Variants in RALGAPA2 observed in about 807,000 individuals in gnomAD.
RALGAPA2 encodes Ral GTPase activating protein catalytic subunit alpha 2.
RALGAPA2 carries 139 observed loss-of-function variants against 230.4 expected under a neutral mutation model. The observed-to-expected ratio is 0.60, with a 90% CI of 0.53 to 0.69. The LOEUF (loss-of-function observed/expected upper bound fraction) is 0.69. Among genes scored for constraint, RALGAPA2 ranks in the 30% least tolerant of loss-of-function variants. The probability of loss-of-function intolerance (pLI) is 0.00; values close to 1 mark genes in which losing one functional copy is unlikely to be tolerated. For synonymous variants in RALGAPA2, 847 were observed against 837.8 expected, an observed-to-expected ratio of 1.01 and a Z score of -0.19; for missense variants, 2,163 against 2,276.0, an observed-to-expected ratio of 0.95 and a Z score of 1.01.
At chr20:20,465,261 G>A (rs1358419609) in intron 37 of RALGAPA2, among the ~76,000 whole-genome samples, 1 of 151,140 alleles carries the variant, frequency 6.6e-6, no homozygotes, top group Non-Finnish European at 1.5e-5. Flanking sequence ...AGCCAGCACT[G>A]TGGCAAGAGT....
intron 12 of RALGAPA2, among the ~76,000 whole-genome samples, chr20:20,617,382 TTGA>T (rs35079280): frequency 0.029 from 4,442 of 152,258 alleles, 84 homozygotes; most frequent in South Asian, 0.06. Context: ...TATAATATAG[TTGA>T]TGATGATGAT....
At chr20:20,469,689 A>T (rs1447135587) in intron 37 of RALGAPA2, among the ~76,000 whole-genome samples, 3 of 152,216 alleles carry the variant, frequency 2.0e-5, no homozygotes, top group Admixed American at 6.5e-5. Context: ...AAGTTATTTG[A>T]TGAGAAGAAT....
rs778198512 is a variant in RALGAPA2 at position 20,412,024 on chromosome 20, C to A, written c.5617+3G>T. On this transcript the variant is annotated splice_donor_region_variant and intron_variant, in intron 38 of 39. Coordinates refer to ENST00000202677, the MANE Select transcript of RALGAPA2 (RefSeq NM_020343.4). ...GTGAGAGAAGAATAATGTAGACACT[C>A]ACCCGTTCCGCTGAGGGAGTAGCTG... is the stretch of plus-strand genomic sequence containing the variant. 1 of 1,613,944 alleles carries A rather than the reference C, an allele frequency of 6.2e-7. No homozygotes were observed. Among genetic ancestry groups the A allele is most frequent in the Non-Finnish European group, 8.5e-7 (1 of 1,179,836 alleles).
intron 37 of RALGAPA2, among the ~76,000 whole-genome samples, chr20:20,454,394 G>A (rs947328782): frequency 1.1e-4 from 17 of 152,316 alleles, no homozygotes; most frequent in African/African-American, 2.2e-4. Flanking sequence ...CATGACACTC[G>A]TGGCTCTATT....
chr20:20,587,491 C>T (rs1459660063), intron 18 of RALGAPA2, among the ~76,000 whole-genome samples: 62 of 152,010 alleles, frequency 4.1e-4, no homozygotes, highest in Admixed American at 4.1e-3. Flanking sequence ...AAATTGGATC[C>T]CTACCTCACT....
intron 37 of RALGAPA2, chr20:20,470,921 T>C (rs2061525981): frequency 6.6e-6 from 1 of 152,212 alleles, no homozygotes. Context: ...AAAAATTAGG[T>C]ATAACAGTTG....
chr20:20,605,910 C>A (rs922599891), intron 14 of RALGAPA2, among the ~76,000 whole-genome samples: 4 of 152,166 alleles, frequency 2.6e-5, no homozygotes, highest in African/African-American at 9.7e-5. Context: ...TCACCCAGCT[C>A]CACCTCCACC....
At chr20:20,402,935 T>C (rs2059876945) in intron 38 of RALGAPA2, among the ~76,000 whole-genome samples, 1 of 152,216 alleles carries the variant, frequency 6.6e-6, no homozygotes, top group South Asian at 2.1e-4. Context: ...CACTCAGCTC[T>C]AAGGAGGCTG....
rs1462565648 is a variant in RALGAPA2, at chr20:20,390,858, T to C, written c.*2431A>G. On this transcript the variant is annotated 3_prime_UTR_variant, in exon 40 of 40. Coordinates refer to ENST00000202677, the MANE Select transcript of RALGAPA2 (RefSeq NM_020343.4). ...GAATGGCAGGCTCAAAAAACTCTAG[T>C]CACCAAACTGCTGGCTGTCATCGGG... 1 of 152,126 alleles carries C rather than the reference T, an allele frequency of 6.6e-6. No homozygotes were observed. The highest frequency in any genetic ancestry group is 2.4e-5 in the African/African-American group (1 of 41,424). 9.4% of individuals were successfully genotyped at this position (152,126 alleles called of 1,614,324 possible).
chr20:20,512,933 C>T lies in RALGAPA2; in HGVS notation c.4436G>A (p.Gly1479Glu), dbSNP rs1345260237. The change falls in exon 32 of 40, where the codon GGA becomes GAA. Residue 1479 changes from glycine to glutamate, a missense_variant. Coordinates refer to ENST00000202677, the MANE Select transcript of RALGAPA2 (RefSeq NM_020343.4). ...KYSWDGKVLY[G>E]PLEGCLAPNG... The stretch of plus-strand genomic sequence containing the variant: ...GGGTGCTAAGCAGCCTTCCAAAGGT[C>T]CATATAAAACCTTACCATCCCAAGA... 1.2e-6 allele frequency: 2 copies of T among 1,613,660 alleles called. No homozygotes were observed. Among genetic ancestry groups the T allele is most frequent in the Non-Finnish European group, 1.7e-6 (2 of 1,179,612 alleles).
chr20:20,428,693 C>A lies in RALGAPA2; in HGVS notation c.5496-16545G>T, dbSNP rs376885985. On this transcript the variant is annotated intron_variant, in intron 37 of 39. Coordinates refer to ENST00000202677, the MANE Select transcript of RALGAPA2 (RefSeq NM_020343.4). The stretch of plus-strand genomic sequence containing the variant: ...TTCATCTTCTCTCAATCCCTCATTT[C>A]TTCCCATTATTGTGCCTGCCACCCA... Among the ~76,000 whole-genome samples the A allele has an allele frequency of 1.5e-4, 22 of 143,808 alleles. 1 individual carries two copies. Among genetic ancestry groups the A allele is most frequent in the African/African-American group, 5.5e-4 (21 of 38,244 alleles). The allele number at this position is 143,808 out of a possible 152,430, so 94.3% of individuals were successfully genotyped here. A position where few individuals can be genotyped will look rare whatever the true frequency, so the allele number is the denominator to read the frequency against.
intron 1 of RALGAPA2, among the ~76,000 whole-genome samples, chr20:20,685,812 C>T (rs1265161390): frequency 3.9e-5 from 6 of 151,996 alleles, no homozygotes; most frequent in African/African-American, 9.7e-5. Context: ...GGCAAGGCCA[C>T]GCTCCAGAGT....
intron 37 of RALGAPA2, among the ~76,000 whole-genome samples, chr20:20,457,410 A>G (rs1469735569): frequency 6.6e-6 from 1 of 152,238 alleles, no homozygotes; most frequent in Non-Finnish European, 1.5e-5. Context: ...AGATCTTATA[A>G]AAGCTGAAAT....
intron 37 of RALGAPA2, among the ~76,000 whole-genome samples, chr20:20,452,089 A>G (rs1236326349): frequency 6.6e-6 from 1 of 152,226 alleles, no homozygotes; most frequent in African/African-American, 2.4e-5. Flanking sequence ...AGCTTTTAAA[A>G]TAAATCTACC....
chr20:20,429,159 G>A (rs1218021445), intron 37 of RALGAPA2, among the ~76,000 whole-genome samples: 4 of 152,160 alleles, frequency 2.6e-5, no homozygotes, highest in Non-Finnish European at 5.9e-5. Context: ...AGCAGAGACA[G>A]GCAACAAAAG....
intron 36 of RALGAPA2, among the ~76,000 whole-genome samples, chr20:20,492,082 G>A (rs1569442113): frequency 6.6e-6 from 1 of 152,156 alleles, no homozygotes; most frequent in African/African-American, 2.4e-5. Flanking sequence ...AATGCTGCCT[G>A]TAAGCTTGTA....
At chr20:20,515,914 C>T (rs748419247) in intron 31 of RALGAPA2, among the ~76,000 whole-genome samples, 5 of 152,268 alleles carry the variant, frequency 3.3e-5, no homozygotes, top group South Asian at 2.1e-4. Flanking sequence ...GGGCACTACC[C>T]GAAAGCCAGG....
At chr20:20,657,380 G>C (rs1353098524) in intron 3 of RALGAPA2, among the ~76,000 whole-genome samples, 1 of 152,244 alleles carries the variant, frequency 6.6e-6, no homozygotes, top group Non-Finnish European at 1.5e-5. Flanking sequence ...GGTGTGAAGA[G>C]CTGGAAACCA....
intron 26 of RALGAPA2, among the ~76,000 whole-genome samples, chr20:20,532,553 G>C (rs1461286454): frequency 2.0e-5 from 3 of 152,192 alleles, no homozygotes; most frequent in South Asian, 2.1e-4. Context: ...GGAACAGTCA[G>C]CTCGGGGGGT....
Sources: gnomAD v4.1 joint callset for allele counts (sites outside exome capture counted in the v4.1 genomes callset) on GRCh38, gnomAD v4.1.1 for gene constraint, MANE v1.5 for transcripts, NCBI Gene and HGNC (gene_info 2026-07-23, HGNC 2026-07-21) for gene names.